The following APBA1 variants were observed in gnomAD, a reference collection of about 807,000 sequenced individuals.
The protein encoded by APBA1 is amyloid beta precursor protein binding family A member 1.
A neutral mutation model predicts 86.6 loss-of-function variants in APBA1; 55 were observed. The observed-to-expected ratio is 0.64, with a 90% confidence interval of 0.51 to 0.80. The LOEUF (loss-of-function observed/expected upper bound fraction) is 0.80. Ranked by LOEUF, APBA1 falls within the 30% of genes least tolerant of loss-of-function variation. The pLI is 0.00. For missense variants in APBA1, 1,090 were observed against 1,183.0 expected (o/e 0.92, Z 1.15); for synonymous variants, 511 against 493.9 (o/e 1.03, Z -0.46).
At chr9:69,517,326 G>C (rs906477241) in intron 1 of APBA1, 47 bp from the exon 2 acceptor site, 207 of 1,373,782 alleles carry the variant, frequency 1.5e-4, no homozygotes, top group Non-Finnish European at 1.8e-4. Context: ...GCAAACAGTC[G>C]TTATGAGCTG....
intron 2 of APBA1, among the ~76,000 whole-genome samples, chr9:69,489,760 C>G (rs1564053287): frequency 6.6e-6 from 1 of 151,994 alleles, no homozygotes; most frequent in Admixed American, 6.5e-5. Flanking sequence ...AAATGCAAAT[C>G]AAAACCACAA....
At chr9:69,662,214 T>C (rs1017785416) in intron 1 of APBA1, among the ~76,000 whole-genome samples, 9 of 152,128 alleles carry the variant, frequency 5.9e-5, no homozygotes, top group African/African-American at 2.2e-4. Context: ...ATCCCCTTTG[T>C]CCTGTTTTGT....
At chr9:69,543,465 C>T (rs182422922) in intron 1 of APBA1, among the ~76,000 whole-genome samples, 9 of 152,242 alleles carry the variant, frequency 5.9e-5, no homozygotes, top group Non-Finnish European at 2.9e-5. Context: ...GATCTGGCCC[C>T]CTGTACTTAA....
At position 69,600,789 on chromosome 9, in the gene APBA1, T is replaced by C. The variant is rs571232977; in HGVS notation, c.-70+71364A>G. Among the ~76,000 whole-genome samples, 4 of 142,880 alleles carry C rather than the reference T, an allele frequency of 2.8e-5. No individual in the cohort carries two copies. In the East Asian group the frequency reaches 5.9e-4, roughly 21 times the overall value. The allele number at this position is 142,880 out of a possible 152,430, so 93.7% of individuals were successfully genotyped here. ...CTCCCGCCTGGGCAACAGAGAAGAC[T>C]TCGTCTCAAAAAATAATAATAAATA... On this transcript the variant is annotated intron_variant, in intron 1 of 12. Transcript: ENST00000265381.
At chr9:69,601,450 C>A (rs1189882846) in intron 1 of APBA1, among the ~76,000 whole-genome samples, 1 of 152,226 alleles carries the variant, frequency 6.6e-6, no homozygotes, top group Non-Finnish European at 1.5e-5. Flanking sequence ...ACCACCATAA[C>A]CTGCCTTTGC....
chr9:69,461,596 G>T (rs1835192709), intron 5 of APBA1: 1 of 152,186 alleles, frequency 6.6e-6, no homozygotes, highest in African/African-American at 2.4e-5. Flanking sequence ...GGTTTAAGTA[G>T]ATGTTGTCAT....
rs766401869 is a variant in APBA1, at chr9:69,431,372, C to A, written c.2469G>T (p.Ala823=). 1 of 1,613,126 alleles carries A rather than the reference C, an allele frequency of 6.2e-7. No individual in the cohort carries two copies. Among genetic ancestry groups the A allele is most frequent in the South Asian group, 1.1e-5 (1 of 90,914 alleles). The stretch of plus-strand genomic sequence containing the variant: ...CCTGGGCCGTCAGCAGCCTGTACAT[C>A]GCGGCTGGCATTGTCTTCATATGAA... The part of the protein sequence containing the change: ...GEIHMKTMPA[A]MYRLLTAQEQ... Residue 823 remains alanine, a synonymous_variant, in exon 13 of 13, where the codon GCG becomes GCT. Transcript: ENST00000265381.
chr9:69,575,088 T>C (rs1363003838), intron 1 of APBA1, among the ~76,000 whole-genome samples: 1 of 152,150 alleles, frequency 6.6e-6, no homozygotes, highest in African/African-American at 2.4e-5. Context: ...GGCTAATTTT[T>C]GTATTTTTTT....
At chr9:69,541,459 A>T (rs903434857) in intron 1 of APBA1, among the ~76,000 whole-genome samples, 1 of 151,670 alleles carries the variant, frequency 6.6e-6, no homozygotes, top group African/African-American at 2.4e-5. Flanking sequence ...ATGATTAGTG[A>T]TGTTAAGCAT....
intron 1 of APBA1, among the ~76,000 whole-genome samples, chr9:69,612,094 G>C (rs1306895859): frequency 6.6e-6 from 1 of 151,986 alleles, no homozygotes; most frequent in East Asian, 1.9e-4. Context: ...CAATTTTTGT[G>C]TAATTCTTTG....
chr9:69,491,743 T>A (rs539323322), intron 2 of APBA1, among the ~76,000 whole-genome samples: 1 of 150,666 alleles, frequency 6.6e-6, no homozygotes, highest in Non-Finnish European at 1.5e-5. Flanking sequence ...CATACATAGT[T>A]ACATTTCATT....
At position 69,552,552 on chromosome 9, in the gene APBA1, T is replaced by C. The variant is rs934332015; in HGVS notation, c.-69-35273A>G. ...TTGTTCTTTTCTCCAAATTGAAATA[T>C]CAATGCATCCAAAGAGAGATTTAAA... On this transcript the variant is annotated intron_variant, in intron 1 of 12. Transcript: ENST00000265381. 1.1e-4 allele frequency among the ~76,000 whole-genome samples: 16 copies of C among 152,324 alleles called. No individual in the cohort carries two copies. The East Asian group carries it at 2.9e-3, about 28-fold the overall frequency.
chr9:69,523,497 G>GTATATATATATATATA (rs869242999), intron 1 of APBA1, among the ~76,000 whole-genome samples: 1 of 30,884 alleles, frequency 3.2e-5, no homozygotes, highest in African/African-American at 9.2e-5. Context: ...ATATATATAT[G>GTATATATATATATATA]TATATATATA....
intron 1 of APBA1, among the ~76,000 whole-genome samples, chr9:69,671,451 C>T (rs1588422159): frequency 6.6e-6 from 1 of 152,160 alleles, no homozygotes; most frequent in Non-Finnish European, 1.5e-5. Context: ...AAGCGAGAAT[C>T]CCTACACTGG....
At chr9:69,434,332 ACT>A (rs1834658933) in intron 11 of APBA1, among the ~76,000 whole-genome samples, 1 of 151,450 alleles carries the variant, frequency 6.6e-6, no homozygotes, top group African/African-American at 2.4e-5. Flanking sequence ...TGCTGAAGGG[ACT>A]CTGTCCAGAG....
intron 1 of APBA1, among the ~76,000 whole-genome samples, chr9:69,592,460 G>A (rs10867825): frequency 0.54 from 82,728 of 152,062 alleles, 24,734 homozygotes; most frequent in East Asian, 0.82. Flanking sequence ...GCAGGTTGTC[G>A]TGTTGAGCAC....
In APBA1 at chr9:69,515,748, G is replaced by C. The variant is rs543708870; in HGVS notation, c.1200+263C>G. Among the ~76,000 whole-genome samples, 7 of 149,380 alleles carry C rather than the reference G, an allele frequency of 4.7e-5. No homozygotes were observed. The East Asian group carries it at 1.0e-3, about 22-fold the overall frequency. ...GTACCCAATAATGCATTTCTCACAA[G>C]GTCTCCAGGCACAGTGTGGGAAGCA... On this transcript the variant is annotated intron_variant, in intron 2 of 12. Coordinates refer to ENST00000265381, the MANE Select transcript of APBA1 (RefSeq NM_001163.4).
At chr9:69,520,078 T>C (rs1836228133) in intron 1 of APBA1, among the ~76,000 whole-genome samples, 1 of 152,220 alleles carries the variant, frequency 6.6e-6, no homozygotes, top group Non-Finnish European at 1.5e-5. Flanking sequence ...CACACCATCA[T>C]GTTTCCAAGA....
chr9:69,523,477 GTATATATATATATATATATGTATATATA>G (rs1554696995), intron 1 of APBA1, among the ~76,000 whole-genome samples: 22,831 of 80,512 alleles, frequency 0.28, 2,999 homozygotes, highest in East Asian at 0.37. Flanking sequence ...ATATATATAT[GTATATATATATATATATATGTATATATA>G]TATATATATA....
Sources: allele counts gnomAD v4.1 joint callset (sites outside exome capture counted in the v4.1 genomes callset), GRCh38; gene constraint gnomAD v4.1.1; transcripts MANE v1.5; gene names NCBI Gene and HGNC (gene_info 2026-07-23, HGNC 2026-07-21).